Variants in NUDT21 observed in about 807,000 individuals in gnomAD.
NUDT21 encodes the protein cleavage and polyadenylation specificity factor subunit 5.
A neutral mutation model predicts 29.8 loss-of-function variants in NUDT21; 5 were observed. The ratio of observed to expected loss-of-function variants is 0.17; its 90% CI spans 0.09 to 0.35. The LOEUF is 0.35. Ranked by LOEUF, NUDT21 falls within the 10% of genes least tolerant of loss-of-function variation. The probability of loss-of-function intolerance (pLI) is 1.00; values close to 1 mark genes in which losing one functional copy is unlikely to be tolerated. For missense variants in NUDT21, 76 were observed against 276.0 expected (o/e 0.28, Z 5.13); for synonymous variants, 113 against 98.5 (o/e 1.15, Z -0.87).
In NUDT21 at chr16:56,439,577, C is replaced by T. The variant is rs60030159; in HGVS notation, c.471+80G>A. On this transcript the variant is annotated intron_variant, in intron 4 of 6. Transcript: ENST00000300291. ...AAAGAAAATTTCAAGTCAAATTCTA[C>T]TTTAATCTTTTTTAAAGTGGCTAGA... is the stretch of plus-strand genomic sequence containing the variant. 1.6e-3 allele frequency: 1,527 copies of T among 942,526 alleles called. 15 individuals carry two copies. In the African/African-American group the frequency reaches 0.022, roughly 13 times the overall value. 58.4% of individuals were successfully genotyped at this position (942,526 alleles called of 1,614,324 possible).
rs1962022925 is a variant in NUDT21 at position 56,430,588 on chromosome 16, TAAACAGTGCCC to T, written c.*2113_*2123del. On this transcript the variant is annotated 3_prime_UTR_variant, in exon 7 of 7. Coordinates refer to ENST00000300291, the MANE Select transcript of NUDT21 (RefSeq NM_007006.3). ...TTCTGGAAGTATTAGAACTTAGTGTTAAACAGTGCCCTTATACCCTCTTCTAATACTGTAGA... is the reference window on the plus strand; with the variant it reads ...TTCTGGAAGTATTAGAACTTAGTGTTTTATACCCTCTTCTAATACTGTAGA... The T allele has an allele frequency of 6.6e-6, 1 of 152,234 alleles. No individual in the cohort carries two copies. Among genetic ancestry groups the T allele is most frequent in the Non-Finnish European group, 1.5e-5 (1 of 68,038 alleles). 9.4% of individuals were successfully genotyped at this position (152,234 alleles called of 1,614,324 possible).
chr16:56,440,930 G>A (rs1041329517), intron 3 of NUDT21, among the ~76,000 whole-genome samples: 40 of 152,132 alleles, frequency 2.6e-4, no homozygotes, highest in African/African-American at 9.4e-4. Flanking sequence ...AGTAGAGATG[G>A]GGTTTCACCC....
chr16:56,445,821 A>G (rs1306302169), intron 3 of NUDT21, among the ~76,000 whole-genome samples: 1 of 152,202 alleles, frequency 6.6e-6, no homozygotes, highest in Non-Finnish European at 1.5e-5. Flanking sequence ...ATATCTTTGT[A>G]CCATACATTA....
rs1483998142 is a variant in NUDT21 at position 56,429,694 on chromosome 16, A to G, written c.*3018T>C. 3 of 152,266 alleles carry G rather than the reference A, an allele frequency of 2.0e-5. No homozygotes were observed. Among genetic ancestry groups the G allele is most frequent in the African/African-American group, 7.2e-5 (3 of 41,472 alleles). The allele number at this position is 152,266 out of a possible 1,614,324, so 9.4% of individuals were successfully genotyped here. On this transcript the variant is annotated 3_prime_UTR_variant, in exon 7 of 7. Coordinates refer to ENST00000300291, the MANE Select transcript of NUDT21 (RefSeq NM_007006.3). ...ATGGGAAAATCAAATCTTATGCTAC[A>G]GAAAGCTGACTTATACTACAGTCAA...
intron 1 of NUDT21, among the ~76,000 whole-genome samples, chr16:56,450,823 G>A (rs1962296572): frequency 6.6e-6 from 1 of 152,224 alleles, no homozygotes; most frequent in East Asian, 1.9e-4. Flanking sequence ...GGGAAAGGAT[G>A]AGTTAAAAGC....
At chr16:56,441,872 C>A (rs1397989688) in intron 3 of NUDT21, among the ~76,000 whole-genome samples, 1 of 152,134 alleles carries the variant, frequency 6.6e-6, no homozygotes, top group East Asian at 1.9e-4. Flanking sequence ...GTCAGTTATT[C>A]TATTAATTTC....
chr16:56,435,076 A>G, intron 4 of NUDT21: 1 of 303,114 alleles, frequency 3.3e-6, no homozygotes. Context: ...GATACTTAAA[A>G]CATAATGAAG....
Position 56,447,989 on chromosome 16 carries a change from C to T in NUDT21, c.117G>A (p.Leu39=). ...CAAAAGTATAATTGGTAAGAGGGTA[C>T]CTGTGATCCGAAGACAAACATCTAA... The part of the protein sequence containing the change: ...KPLTLERTIN[L]YPLTNYTFGT... The change falls in exon 2 of 7, where the codon CTG becomes CTA. Residue 39 remains leucine (L), a splice_region_variant and synonymous_variant. Transcript: ENST00000300291. The T allele has an allele frequency of 6.2e-7, 1 of 1,612,960 alleles. No homozygotes were observed. Among genetic ancestry groups the T allele is most frequent in the Non-Finnish European group, 8.5e-7 (1 of 1,179,250 alleles).
intron 6 of NUDT21, among the ~76,000 whole-genome samples, chr16:56,433,679 G>A (rs1310046074): frequency 3.9e-5 from 6 of 152,072 alleles, no homozygotes; most frequent in Admixed American, 1.3e-4. Context: ...CAAGATATTC[G>A]ATTTGCCACC....
chr16:56,438,890 G>A (rs1417369001), intron 4 of NUDT21, among the ~76,000 whole-genome samples: 2 of 152,008 alleles, frequency 1.3e-5, no homozygotes, highest in Non-Finnish European at 2.9e-5. Flanking sequence ...CAGGATACGC[G>A]AACAGTGACT....
In NUDT21 at chr16:56,431,987, A is replaced by C. The variant is rs1476179285; in HGVS notation, c.*725T>G. ...TATTTTTACCATGGCTTTAAGAATA[A>C]GACACATAATTTCGCAACAGCACAA... On this transcript the variant is annotated 3_prime_UTR_variant, in exon 7 of 7. Transcript: ENST00000300291. The C allele has an allele frequency of 6.6e-6, 1 of 152,212 alleles. No individual in the cohort carries two copies. The highest frequency in any genetic ancestry group is 1.5e-5 in the Non-Finnish European group (1 of 68,034). The allele number at this position is 152,212 out of a possible 1,614,324, so 9.4% of individuals were successfully genotyped here. A position where few individuals can be genotyped will look rare whatever the true frequency, so the allele number is the denominator to read the frequency against.
chr16:56,441,736 G>GT (rs1217752502), intron 3 of NUDT21, among the ~76,000 whole-genome samples: 1 of 152,140 alleles, frequency 6.6e-6, no homozygotes, highest in Non-Finnish European at 1.5e-5. Context: ...TTAGCAAACC[G>GT]TATCTCCTTA....
At chr16:56,443,829 C>A (rs1222987111) in intron 3 of NUDT21, among the ~76,000 whole-genome samples, 1 of 152,322 alleles carries the variant, frequency 6.6e-6, no homozygotes, top group South Asian at 2.1e-4. Flanking sequence ...GCCACCAGAA[C>A]TGGTGAGCCA....
chr16:56,437,989 C>A (rs1329215797), intron 4 of NUDT21, among the ~76,000 whole-genome samples: 1 of 152,048 alleles, frequency 6.6e-6, no homozygotes, highest in African/African-American at 2.4e-5. Context: ...AGGAAATGAT[C>A]ATCAATGAGC....
intron 3 of NUDT21, among the ~76,000 whole-genome samples, chr16:56,445,218 T>C (rs935239968): frequency 6.6e-6 from 1 of 152,206 alleles, no homozygotes; most frequent in African/African-American, 2.4e-5. Flanking sequence ...CATTGGAGCA[T>C]TTCAAGTTTT....
Position 56,430,549 on chromosome 16 carries a change from C to G in NUDT21, c.*2163G>C, listed in dbSNP as rs555574812. The G allele has an allele frequency of 6.6e-6, 1 of 152,296 alleles. No individual in the cohort carries two copies. The highest frequency in any genetic ancestry group is 2.4e-5 in the African/African-American group (1 of 41,568). The allele number at this position is 152,296 out of a possible 1,614,324, so 9.4% of individuals were successfully genotyped here. A position where few individuals can be genotyped will look rare whatever the true frequency, so the allele number is the denominator to read the frequency against. On this transcript the variant is annotated 3_prime_UTR_variant, in exon 7 of 7. Transcript: ENST00000300291. ...TGATAAGAGCATTTAGTATGTAGATCTGGAATGCACAGTTTCTGGAAGTAT... is the reference window on the plus strand; with the variant it reads ...TGATAAGAGCATTTAGTATGTAGATGTGGAATGCACAGTTTCTGGAAGTAT...
intron 6 of NUDT21, 134 bp from the exon 7 acceptor site, chr16:56,432,867 C>A: frequency 1.8e-6 from 1 of 570,934 alleles, no homozygotes; most frequent in East Asian, 3.0e-5. Flanking sequence ...CCTTCGAATG[C>A]CTTTTTACCA....
chr16:56,451,046 T>A (rs1287864390), intron 1 of NUDT21, 41 bp downstream of exon 1: 1 of 1,560,956 alleles, frequency 6.4e-7, no homozygotes, highest in Non-Finnish European at 8.8e-7. Flanking sequence ...CTATAGGAGC[T>A]TTCACGAGAG....
At chr16:56,440,402 C>T (rs1962146254) in intron 3 of NUDT21, among the ~76,000 whole-genome samples, 1 of 152,192 alleles carries the variant, frequency 6.6e-6, no homozygotes, top group Admixed American at 6.5e-5. Flanking sequence ...TAGTCTTTAA[C>T]CTAATGTCCT....
Sources: gnomAD v4.1 joint callset for allele counts (sites outside exome capture counted in the v4.1 genomes callset) on GRCh38, gnomAD v4.1.1 for gene constraint, MANE v1.5 for transcripts, NCBI Gene and HGNC (gene_info 2026-07-23, HGNC 2026-07-21) for gene names.